The following FAF1 variants were observed in gnomAD, a reference collection of about 807,000 sequenced individuals.
FAF1 encodes the protein FAS-associated factor 1.
Under a neutral mutation model 92.5 loss-of-function variants are expected in FAF1, and 25 were observed. The ratio of observed to expected loss-of-function variants is 0.27; its 90% CI spans 0.20 to 0.38. FAF1 has a LOEUF of 0.38. FAF1 is among the 10% of genes least tolerant of loss of function. The pLI is 1.00. For synonymous variants in FAF1, 234 were observed against 273.2 expected (o/e 0.86, Z 1.42); for missense variants, 636 against 793.3 (o/e 0.80, Z 2.38).
chr1:50,509,192 T>C (rs1213838838), intron 15 of FAF1, among the ~76,000 whole-genome samples: 1 of 152,232 alleles, frequency 6.6e-6, no homozygotes, highest in African/African-American at 2.4e-5. Context: ...GAAGTGCTGA[T>C]ACTTTATGGC....
intron 2 of FAF1, among the ~76,000 whole-genome samples, chr1:50,804,779 G>C (rs995999559): frequency 1.3e-5 from 2 of 152,024 alleles, no homozygotes; most frequent in African/African-American, 2.4e-5. Context: ...ACAGGAAAGA[G>C]AGACAAAAAA....
intron 2 of FAF1, among the ~76,000 whole-genome samples, chr1:50,849,367 G>C (rs2124655486): frequency 6.6e-6 from 1 of 150,878 alleles, no homozygotes; most frequent in Admixed American, 6.6e-5. Flanking sequence ...TTGAAAAAGG[G>C]TATTTAGAGC....
chr1:50,508,424 A>G (rs1379277307), intron 15 of FAF1, among the ~76,000 whole-genome samples: 2 of 152,254 alleles, frequency 1.3e-5, no homozygotes, highest in African/African-American at 4.8e-5. Flanking sequence ...TGAATTACTG[A>G]TACATGCTAC....
chr1:50,671,601 C>T (rs1390114003), intron 7 of FAF1, among the ~76,000 whole-genome samples: 1 of 152,064 alleles, frequency 6.6e-6, no homozygotes, highest in Non-Finnish European at 1.5e-5. Flanking sequence ...CAAACTTAAT[C>T]CCTTTTTTTG....
chr1:50,526,916 G>A (rs954151419), intron 15 of FAF1, among the ~76,000 whole-genome samples: 1 of 151,376 alleles, frequency 6.6e-6, no homozygotes, highest in Admixed American at 6.6e-5. Context: ...GTGTAGTGGC[G>A]TGATCTCGGC....
At chr1:50,618,545 G>A (rs1342365008) in intron 8 of FAF1, among the ~76,000 whole-genome samples, 9 of 150,150 alleles carry the variant, frequency 6.0e-5, no homozygotes, top group African/African-American at 2.2e-4. Context: ...TTACAGGCAT[G>A]AGCCACCGCG....
At chr1:50,818,206 C>T (rs1643996806) in intron 2 of FAF1, among the ~76,000 whole-genome samples, 1 of 152,158 alleles carries the variant, frequency 6.6e-6, no homozygotes, top group Non-Finnish European at 1.5e-5. Flanking sequence ...ATCTTAAACA[C>T]ACTAAAGTGC....
chr1:50,526,759 T>C (rs934780085), intron 15 of FAF1, among the ~76,000 whole-genome samples: 2 of 152,196 alleles, frequency 1.3e-5, no homozygotes, highest in African/African-American at 2.4e-5. Context: ...GCTGCCAGAC[T>C]GTTTTCCAAA....
chr1:50,858,304 C>T (rs1449710691), intron 1 of FAF1, among the ~76,000 whole-genome samples: 1 of 151,822 alleles, frequency 6.6e-6, no homozygotes, highest in African/African-American at 2.4e-5. Context: ...GTCAAAGATT[C>T]TCATGGGCAA....
intron 8 of FAF1, among the ~76,000 whole-genome samples, chr1:50,602,571 C>T (rs941344051): frequency 6.8e-6 from 1 of 148,140 alleles, no homozygotes; most frequent in African/African-American, 2.5e-5. Context: ...GGTGTGATCT[C>T]AGCTCACTGC....
chr1:50,911,744 G>A (rs11205791), intron 1 of FAF1, among the ~76,000 whole-genome samples: 152,037 of 152,120 alleles, frequency 1, 75,977 homozygotes, highest in Non-Finnish European at 1. Context: ...CATAAAATTT[G>A]TACTTGGGCC....
chr1:50,522,632 C>T (rs1368726435), intron 15 of FAF1, among the ~76,000 whole-genome samples: 2 of 152,146 alleles, frequency 1.3e-5, no homozygotes, highest in African/African-American at 4.8e-5. Flanking sequence ...TATGTCAGTT[C>T]CCAGTAGTAC....
At chr1:50,900,093 AT>A (rs1457194224) in intron 1 of FAF1, among the ~76,000 whole-genome samples, 6 of 152,284 alleles carry the variant, frequency 3.9e-5, no homozygotes, top group African/African-American at 1.4e-4. Flanking sequence ...AAAAATTTTA[AT>A]CATCTGAGAA....
At chr1:50,523,601 A>G (rs1647624463) in intron 15 of FAF1, among the ~76,000 whole-genome samples, 2 of 152,246 alleles carry the variant, frequency 1.3e-5, no homozygotes, top group South Asian at 2.1e-4. Flanking sequence ...CGATTTTTTA[A>G]TTGAATTGTT....
chr1:50,482,521 A>T (rs1365102001), intron 17 of FAF1, among the ~76,000 whole-genome samples: 4 of 152,202 alleles, frequency 2.6e-5, no homozygotes, highest in African/African-American at 9.6e-5. Context: ...ATACATACCT[A>T]GGAGTGTGAC....
chr1:50,448,570 T>G (rs976872666), intron 18 of FAF1, among the ~76,000 whole-genome samples: 5 of 152,156 alleles, frequency 3.3e-5, no homozygotes, highest in Non-Finnish European at 7.3e-5. Context: ...GCCCCTTCCT[T>G]TTCCTTTTCT....
chr1:50,448,796 T>C (rs1216622852), intron 18 of FAF1, among the ~76,000 whole-genome samples: 1 of 152,212 alleles, frequency 6.6e-6, no homozygotes, highest in Non-Finnish European at 1.5e-5. Context: ...ATCTTTCAAT[T>C]GGTCTTATGT....
At chr1:50,910,314 A>G (rs1411654207) in intron 1 of FAF1, among the ~76,000 whole-genome samples, 1 of 152,214 alleles carries the variant, frequency 6.6e-6, no homozygotes, top group Non-Finnish European at 1.5e-5. Flanking sequence ...TCTCCCAGTT[A>G]GGCTACTCAG....
chr1:50,650,325 T>C (rs111389040), intron 8 of FAF1, among the ~76,000 whole-genome samples: 2,047 of 144,816 alleles, frequency 0.014, 46 homozygotes, highest in African/African-American at 0.048. Context: ...CTGAAAGAGT[T>C]GGCCGGGCAC....
Sources: gnomAD v4.1 joint callset for allele counts (sites outside exome capture counted in the v4.1 genomes callset) on GRCh38, gnomAD v4.1.1 for gene constraint, MANE v1.5 for transcripts, NCBI Gene and HGNC (gene_info 2026-07-23, HGNC 2026-07-21) for gene names.